Variants in LEO1 observed in about 807,000 individuals in gnomAD.
LEO1 encodes the protein RNA polymerase-associated protein LEO1.
In LEO1, 34 loss-of-function variants were observed where a neutral mutation model predicts 80.4. The observed-to-expected ratio is 0.42, with a 90% CI of 0.32 to 0.56. The LOEUF (loss-of-function observed/expected upper bound fraction) is 0.56. Ranked by LOEUF, LEO1 falls within the 20% of genes least tolerant of loss-of-function variation. The probability of loss-of-function intolerance (pLI) is 0.10; values close to 1 mark genes in which losing one functional copy is unlikely to be tolerated. For missense variants in LEO1, 631 were observed against 814.2 expected, an observed-to-expected ratio of 0.77 and a Z score of 2.74; for synonymous variants, 262 against 274.9, an observed-to-expected ratio of 0.95 and a Z score of 0.46.
At chr15:51,952,064 C>G (rs2141757413) in intron 8 of LEO1, 85 bp from the exon 9 acceptor site, 3 of 1,216,512 alleles carry the variant, frequency 2.5e-6, no homozygotes, top group Non-Finnish European at 3.4e-6. Flanking sequence ...AAGTAAGAGC[C>G]CAGTGACCAT....
rs1435593124 is a variant in LEO1 at position 51,964,278 on chromosome 15, T to A, written c.814+1471A>T. On this transcript the variant is annotated intron_variant, in intron 2 of 11. Coordinates refer to ENST00000299601, the MANE Select transcript of LEO1 (RefSeq NM_138792.4). ...ACATGGATGAAGCTGGAAACCATCA[T>A]TCTCAGCAAACTATCACAAGGACAG... Among the ~76,000 whole-genome samples, 2 of 151,888 alleles carry A rather than the reference T, an allele frequency of 1.3e-5. 1 individual carries two copies. The highest frequency in any genetic ancestry group is 4.2e-4 in the South Asian group (2 of 4,804).
intron 11 of LEO1, among the ~76,000 whole-genome samples, chr15:51,945,262 C>CAAA (rs71130110): frequency 2.5e-5 from 2 of 80,370 alleles, no homozygotes; most frequent in Admixed American, 1.7e-4. Context: ...ACAAAAAATA[C>CAAA]AAAAAAAAAA....
chr15:51,966,308 G>A lies in LEO1; in HGVS notation c.255C>T (p.Asp85=). The change falls in exon 2 of 12, where the codon GAC becomes GAT. Residue 85 remains aspartate, a synonymous_variant. Coordinates refer to ENST00000299601, the MANE Select transcript of LEO1 (RefSeq NM_138792.4). ...SGSDNHSERS[D]NRSEASERSD... Reference sequence around the variant, plus strand: ...AACGCTCAGAAGCTTCTGATCTATTGTCTGATCTTTCAGAGTGATTATCAC... The same window carrying A: ...AACGCTCAGAAGCTTCTGATCTATTATCTGATCTTTCAGAGTGATTATCAC... The A allele has an allele frequency of 6.2e-7, 1 of 1,614,116 alleles. No individual in the cohort carries two copies. The highest frequency in any genetic ancestry group is 8.5e-7 in the Non-Finnish European group (1 of 1,180,034).
intron 8 of LEO1, among the ~76,000 whole-genome samples, chr15:51,952,443 T>A (rs2056956861): frequency 6.6e-6 from 1 of 152,090 alleles, no homozygotes; most frequent in African/African-American, 2.4e-5. Flanking sequence ...AATTCAAATA[T>A]GAGTCTAACT....
In LEO1 at chr15:51,938,272, C is replaced by T; in HGVS notation, c.1897-12G>A. On this transcript the variant is annotated splice_polypyrimidine_tract_variant and intron_variant, in intron 11 of 11. Transcript: ENST00000299601. ...GAAGGTTCACCTTCCTAAACAGATA[C>T]AATTTTTACAAATCTACAAGTCAAT... The T allele has an allele frequency of 6.9e-7, 1 of 1,452,434 alleles. No individual in the cohort carries two copies. The highest frequency in any genetic ancestry group is 9.5e-7 in the Non-Finnish European group (1 of 1,049,906). 90.0% of individuals were successfully genotyped at this position (1,452,434 alleles called of 1,614,324 possible).
At chr15:51,951,339 TA>T (rs1206828850) in intron 9 of LEO1, among the ~76,000 whole-genome samples, 1 of 152,216 alleles carries the variant, frequency 6.6e-6, no homozygotes, top group East Asian at 1.9e-4. Context: ...ATGCCCCAAA[TA>T]AACTTGTGCC....
chr15:51,956,312 C>T (rs1410347405), intron 6 of LEO1, among the ~76,000 whole-genome samples: 3 of 149,090 alleles, frequency 2.0e-5, no homozygotes, highest in Non-Finnish European at 4.4e-5. Context: ...TCCAGCTACT[C>T]GGGAGGCTGA....
chr15:51,951,685 T>C (rs911103130), intron 9 of LEO1, among the ~76,000 whole-genome samples, 159 bp downstream of exon 9: 1 of 152,170 alleles, frequency 6.6e-6, no homozygotes, highest in African/African-American at 2.4e-5. Flanking sequence ...ACGTCACCAA[T>C]TGTTTGGCAA....
Position 51,945,282 on chromosome 15 carries a change from C to T in LEO1, c.1896+2010G>A, listed in dbSNP as rs1000869732. On this transcript the variant is annotated intron_variant, in intron 11 of 11. Transcript: ENST00000299601. Reference sequence around the variant, plus strand: ...AAATACAAAAAAAAAAAAAAAAAGCCTTACAAATGGTGTGAGGCCCTAGGT... The same window carrying T: ...AAATACAAAAAAAAAAAAAAAAAGCTTTACAAATGGTGTGAGGCCCTAGGT... Among the ~76,000 whole-genome samples, 6 of 56,082 alleles carry T rather than the reference C, an allele frequency of 1.1e-4. No individual in the cohort carries two copies. The Middle Eastern group carries it at 0.049, about 456-fold the overall frequency. The allele number at this position is 56,082 out of a possible 152,430, so 36.8% of individuals were successfully genotyped here. A position where few individuals can be genotyped will look rare whatever the true frequency, so the allele number is the denominator to read the frequency against.
chr15:51,970,351 G>T (rs1217962505), intron 1 of LEO1, among the ~76,000 whole-genome samples: 1 of 152,104 alleles, frequency 6.6e-6, no homozygotes, highest in Non-Finnish European at 1.5e-5. Context: ...TAGAGACAGG[G>T]TTTCACCATG....
At chr15:51,966,732 G>A (rs762358102) in intron 1 of LEO1, among the ~76,000 whole-genome samples, 15 of 151,578 alleles carry the variant, frequency 9.9e-5, no homozygotes, top group African/African-American at 2.2e-4. Context: ...CAAACATAGC[G>A]AAACCCTGTC....
chr15:51,965,087 A>G (rs140021137), intron 2 of LEO1, among the ~76,000 whole-genome samples: 4 of 152,294 alleles, frequency 2.6e-5, no homozygotes, highest in East Asian at 3.9e-4. Flanking sequence ...CACTTTCTAC[A>G]TATTATACTC....
At chr15:51,947,722 A>G (rs1024323534) in intron 10 of LEO1, among the ~76,000 whole-genome samples, 1 of 152,192 alleles carries the variant, frequency 6.6e-6, no homozygotes, top group Non-Finnish European at 1.5e-5. Flanking sequence ...ACTGTGTCCA[A>G]CTGTGAGTAA....
At chr15:51,964,648 C>G (rs2057060579) in intron 2 of LEO1, among the ~76,000 whole-genome samples, 1 of 151,890 alleles carries the variant, frequency 6.6e-6, no homozygotes, top group Non-Finnish European at 1.5e-5. Flanking sequence ...ATATGCTGCC[C>G]TCCTCTTCTA....
chr15:51,940,234 G>A (rs1301189440), intron 11 of LEO1, among the ~76,000 whole-genome samples: 25 of 128,138 alleles, frequency 2.0e-4, no homozygotes, highest in Non-Finnish European at 2.8e-4. Context: ...CAGCCTGGGC[G>A]ACAGAGGGAG....
intron 11 of LEO1, among the ~76,000 whole-genome samples, chr15:51,939,343 C>T (rs967143716): frequency 6.6e-6 from 1 of 152,160 alleles, no homozygotes. Context: ...TGATGGTTCT[C>T]ATGGCTGGCC....
At chr15:51,947,607 G>A (rs1430599583) in intron 10 of LEO1, among the ~76,000 whole-genome samples, 1 of 151,846 alleles carries the variant, frequency 6.6e-6, no homozygotes, top group Non-Finnish European at 1.5e-5. Flanking sequence ...TCTTTTTAGT[G>A]GAGATGAAGT....
intron 2 of LEO1, among the ~76,000 whole-genome samples, chr15:51,962,930 C>CT (rs1254533972): frequency 6.7e-6 from 1 of 150,066 alleles, no homozygotes; most frequent in African/African-American, 2.5e-5. Flanking sequence ...AACATGCCCC[C>CT]CCCCCAAAAA....
chr15:51,940,520 C>T (rs1314743399), intron 11 of LEO1, among the ~76,000 whole-genome samples: 2 of 151,324 alleles, frequency 1.3e-5, no homozygotes. Context: ...GAGACCACAC[C>T]ACCACACTCC....
Sources: gnomAD v4.1 joint callset for allele counts (sites outside exome capture counted in the v4.1 genomes callset) on GRCh38, gnomAD v4.1.1 for gene constraint, MANE v1.5 for transcripts, NCBI Gene and HGNC (gene_info 2026-07-23, HGNC 2026-07-21) for gene names.